The following ATXN7L1 variants were observed in gnomAD, a reference collection of about 807,000 sequenced individuals.
ATXN7L1 encodes ataxin-7-like protein 1.
A neutral mutation model predicts 70.8 loss-of-function variants in ATXN7L1; 15 were observed. The observed-to-expected ratio is 0.21, with a 90% CI of 0.14 to 0.33. The LOEUF is 0.33. ATXN7L1 is among the 10% of genes least tolerant of loss of function. The pLI is 1.00. For missense variants in ATXN7L1, 975 were observed against 1,097.1 expected (o/e 0.89, Z 1.57); for synonymous variants, 440 against 445.1 (o/e 0.99, Z 0.14).
At chr7:105,611,315 C>T (rs972777959) in intron 10 of ATXN7L1, among the ~76,000 whole-genome samples, 1 of 152,220 alleles carries the variant, frequency 6.6e-6, no homozygotes, top group African/African-American at 2.4e-5. Flanking sequence ...AACTTTCATC[C>T]TATAAACCGC....
chr7:105,696,358 G>A (rs1032350535), intron 3 of ATXN7L1, among the ~76,000 whole-genome samples: 9 of 152,190 alleles, frequency 5.9e-5, no homozygotes, highest in Admixed American at 3.3e-4. Flanking sequence ...GAATATGGGT[G>A]CTAGGTGAAT....
At chr7:105,779,832 G>A (rs1054399031) in intron 3 of ATXN7L1, among the ~76,000 whole-genome samples, 9 of 152,072 alleles carry the variant, frequency 5.9e-5, no homozygotes, top group Non-Finnish European at 1.3e-4. Context: ...GTTATCAAAC[G>A]ACAAAGAATA....
chr7:105,697,435 G>A (rs1791881768), intron 3 of ATXN7L1, among the ~76,000 whole-genome samples: 1 of 152,204 alleles, frequency 6.6e-6, no homozygotes. Flanking sequence ...GATAAATATG[G>A]CTCTGTTCCG....
chr7:105,791,735 A>G (rs1805273648), intron 2 of ATXN7L1, among the ~76,000 whole-genome samples: 1 of 152,232 alleles, frequency 6.6e-6, no homozygotes, highest in Non-Finnish European at 1.5e-5. Context: ...ATATCCAGGA[A>G]CAGGTAAAAC....
intron 4 of ATXN7L1, among the ~76,000 whole-genome samples, chr7:105,664,588 T>TATATATATATATATATATATATATATA (rs1388359970): frequency 2.0e-4 from 30 of 147,628 alleles, no homozygotes; most frequent in South Asian, 8.6e-4. Flanking sequence ...TATATATATA[T>TATATATATATATATATATATATATATA]TTGAGACAGA....
chr7:105,839,642 C>G (rs117391732), intron 2 of ATXN7L1, among the ~76,000 whole-genome samples: 9 of 152,280 alleles, frequency 5.9e-5, no homozygotes, highest in South Asian at 2.1e-4. Context: ...TTAAACACCC[C>G]ACAAGGGATG....
intron 11 of ATXN7L1, among the ~76,000 whole-genome samples, chr7:105,608,647 G>A (rs2115694489): frequency 6.6e-6 from 1 of 152,260 alleles, no homozygotes. Context: ...GAGTATAAAT[G>A]TGCCTTCCCA....
At chr7:105,727,028 G>T (rs988629034) in intron 3 of ATXN7L1, among the ~76,000 whole-genome samples, 6 of 152,158 alleles carry the variant, frequency 3.9e-5, no homozygotes, top group East Asian at 3.8e-4. Context: ...TAAACATTAA[G>T]ACAAATTAAA....
intron 3 of ATXN7L1, among the ~76,000 whole-genome samples, chr7:105,710,934 G>A (rs779326420): frequency 1.2e-4 from 19 of 152,118 alleles, no homozygotes; most frequent in Non-Finnish European, 2.2e-4. Flanking sequence ...AGCAAGTCAC[G>A]TCTTACATGG....
intron 2 of ATXN7L1, among the ~76,000 whole-genome samples, chr7:105,863,806 G>A (rs1360072524): frequency 2.0e-5 from 3 of 152,178 alleles, no homozygotes; most frequent in Non-Finnish European, 4.4e-5. Flanking sequence ...TTAGCCCTGT[G>A]CCTGGCACCT....
intron 2 of ATXN7L1, among the ~76,000 whole-genome samples, chr7:105,869,269 G>C (rs1190974067): frequency 6.6e-6 from 1 of 152,310 alleles, no homozygotes; most frequent in East Asian, 1.9e-4. Flanking sequence ...TAGCAAAAGG[G>C]GAGGAAGGTA....
At chr7:105,616,605 G>C (rs553629703) in intron 9 of ATXN7L1, among the ~76,000 whole-genome samples, 1 of 152,354 alleles carries the variant, frequency 6.6e-6, no homozygotes, top group African/African-American at 2.4e-5. Flanking sequence ...GAATGAATGA[G>C]TGAATGAATG....
At chr7:105,729,644 G>GGTCT (rs1368396626) in intron 3 of ATXN7L1, among the ~76,000 whole-genome samples, 1 of 151,720 alleles carries the variant, frequency 6.6e-6, no homozygotes, top group African/African-American at 2.4e-5. Flanking sequence ...TGCTCAGGCT[G>GGTCT]GTCTGGAACT....
At chr7:105,842,155 G>A (rs74868684) in intron 2 of ATXN7L1, among the ~76,000 whole-genome samples, 1,670 of 151,382 alleles carry the variant, frequency 0.011, 32 homozygotes, top group African/African-American at 0.039. Context: ...GGCAAACAAT[G>A]TATATTGTCA....
At chr7:105,721,949 T>A (rs1394322630) in intron 3 of ATXN7L1, among the ~76,000 whole-genome samples, 1 of 152,236 alleles carries the variant, frequency 6.6e-6, no homozygotes, top group African/African-American at 2.4e-5. Context: ...CTAAGCTAGT[T>A]TTCTCTTGGG....
At chr7:105,622,613 G>A (rs1052769947) in intron 8 of ATXN7L1, among the ~76,000 whole-genome samples, 2 of 152,170 alleles carry the variant, frequency 1.3e-5, no homozygotes, top group Admixed American at 6.5e-5. Context: ...GTAATCAAGT[G>A]GGTCTCCTCC....
At chr7:105,728,971 A>G (rs1796215668) in intron 3 of ATXN7L1, among the ~76,000 whole-genome samples, 2 of 152,172 alleles carry the variant, frequency 1.3e-5, no homozygotes, top group Non-Finnish European at 2.9e-5. Context: ...GCATGATTGA[A>G]TAAATAAATG....
intron 3 of ATXN7L1, among the ~76,000 whole-genome samples, chr7:105,730,238 C>G (rs565247282): frequency 6.6e-6 from 1 of 152,172 alleles, no homozygotes; most frequent in African/African-American, 2.4e-5. Context: ...GTACATTACC[C>G]TTGATGTATG....
intron 2 of ATXN7L1, 67 bp downstream of exon 2, chr7:105,875,745 T>C (rs1819142145): frequency 6.2e-6 from 9 of 1,453,710 alleles, no homozygotes; most frequent in Non-Finnish European, 7.6e-6. Flanking sequence ...CAATTCACAT[T>C]ATATTCGAAA....
Sources: allele counts gnomAD v4.1 joint callset (sites outside exome capture counted in the v4.1 genomes callset), GRCh38; gene constraint gnomAD v4.1.1; transcripts MANE v1.5; gene names NCBI Gene and HGNC (gene_info 2026-07-23, HGNC 2026-07-21).